Variants in CHD2 observed in about 807,000 individuals in gnomAD.
The protein encoded by CHD2 is ATP-dependent chromatin remodeler CHD2.
In CHD2, 28 loss-of-function variants were observed where a neutral mutation model predicts 243.9. That is an observed-to-expected ratio of 0.11 (90% CI 0.09 to 0.16). The LOEUF is 0.16. Ranked by LOEUF, CHD2 falls within the 10% of genes least tolerant of loss-of-function variation. The probability of loss-of-function intolerance (pLI) is 1.00; values close to 1 mark genes in which losing one functional copy is unlikely to be tolerated. For missense variants in CHD2, 1,386 were observed against 2,209.8 expected, an observed-to-expected ratio of 0.63 and a Z score of 7.47; for synonymous variants, 775 against 779.0, an observed-to-expected ratio of 0.99 and a Z score of 0.09.
intron 2 of CHD2, among the ~76,000 whole-genome samples, chr15:92,923,676 C>T (rs985127832): frequency 2.7e-5 from 4 of 149,596 alleles, no homozygotes; most frequent in Non-Finnish European, 5.9e-5. Flanking sequence ...AGCGATCCTT[C>T]TGCCTCAGTC....
At chr15:93,019,581 A>C (rs752101528) in intron 37 of CHD2, among the ~76,000 whole-genome samples, 1 of 152,230 alleles carries the variant, frequency 6.6e-6, no homozygotes, top group Non-Finnish European at 1.5e-5. Context: ...TGCTTACTTC[A>C]GCAGCATACC....
At chr15:93,006,290 C>G (rs924433103) in intron 34 of CHD2, among the ~76,000 whole-genome samples, 8 of 152,012 alleles carry the variant, frequency 5.3e-5, no homozygotes, top group African/African-American at 1.5e-4. Context: ...CCACACCCGG[C>G]TAACTTTTGT....
At chr15:92,985,810 T>C (rs1238700673) in intron 26 of CHD2, 137 bp downstream of exon 26, 2 of 761,878 alleles carry the variant, frequency 2.6e-6, no homozygotes, top group East Asian at 5.4e-5. Context: ...CTGGGTCCTG[T>C]CCCAGATCTG....
At chr15:93,011,132 C>T (rs945424272) in intron 35 of CHD2, among the ~76,000 whole-genome samples, 1 of 151,844 alleles carries the variant, frequency 6.6e-6, no homozygotes, top group Non-Finnish European at 1.5e-5. Flanking sequence ...AAAGGTCATC[C>T]CAGTGAACAG....
rs201629825 is a variant in CHD2 at position 92,937,817 on chromosome 15, A to G, written c.551+192A>G. On this transcript the variant is annotated intron_variant, in intron 6 of 38. Coordinates refer to ENST00000394196, the MANE Select transcript of CHD2 (RefSeq NM_001271.4). ...CTGCTTCTTTCTTCGCAGACTGGCTATCGTGGGGCAAACATGTCTTCCGCT... is the reference window on the plus strand; with the variant it reads ...CTGCTTCTTTCTTCGCAGACTGGCTGTCGTGGGGCAAACATGTCTTCCGCT... 8.5e-5 allele frequency among the ~76,000 whole-genome samples: 13 copies of G among 152,360 alleles called. No homozygotes were observed. In the East Asian group the frequency reaches 1.9e-3, roughly 23 times the overall value.
intron 2 of CHD2, among the ~76,000 whole-genome samples, chr15:92,912,386 T>G (rs2052753370): frequency 6.6e-6 from 1 of 152,240 alleles, no homozygotes; most frequent in African/African-American, 2.4e-5. Context: ...AGGCGGAGTC[T>G]CGCTCTGTCG....
At chr15:92,902,298 G>A (rs928165166) in intron 2 of CHD2, 3 of 396,724 alleles carry the variant, frequency 7.6e-6, no homozygotes, top group African/African-American at 6.2e-5. Flanking sequence ...AGATGTTTTT[G>A]TTGTATGACC....
At chr15:92,958,729 G>A (rs1216604169) in intron 16 of CHD2, among the ~76,000 whole-genome samples, 2 of 152,306 alleles carry the variant, frequency 1.3e-5, no homozygotes, top group African/African-American at 4.8e-5. Context: ...TCAGTAGAAA[G>A]TATACTTTGA....
chr15:92,956,668 A>G lies in CHD2; in HGVS notation c.2000+19A>G. 1 of 1,589,436 alleles carries G rather than the reference A, an allele frequency of 6.3e-7. No homozygotes were observed. The highest frequency in any genetic ancestry group is 8.5e-7 in the Non-Finnish European group (1 of 1,171,166). On this transcript the variant is annotated intron_variant, in intron 16 of 38. Coordinates refer to ENST00000394196, the MANE Select transcript of CHD2 (RefSeq NM_001271.4). ...CGGAGAAGTAAGCTCCTTCCTGTGT[A>G]TTTCAAAAGATGCTAGAATGTCTGA...
At chr15:92,958,927 A>G (rs943152734) in intron 16 of CHD2, among the ~76,000 whole-genome samples, 22 of 152,218 alleles carry the variant, frequency 1.4e-4, no homozygotes, top group African/African-American at 5.3e-4. Context: ...CATTAAATGC[A>G]TTTTTGATTT....
At chr15:92,948,281 A>G (rs1452264609) in intron 12 of CHD2, among the ~76,000 whole-genome samples, 2 of 152,180 alleles carry the variant, frequency 1.3e-5, no homozygotes, top group Admixed American at 6.5e-5. Flanking sequence ...TGTATTTAGC[A>G]TATGACAGCT....
At chr15:92,962,175 C>A (rs909760381) in intron 16 of CHD2, among the ~76,000 whole-genome samples, 1 of 151,780 alleles carries the variant, frequency 6.6e-6, no homozygotes. Context: ...CCCCCGTGCC[C>A]GGACCCTCTG....
At chr15:92,901,584 C>T (rs2052529561) in intron 2 of CHD2, 3 of 434,326 alleles carry the variant, frequency 6.9e-6, no homozygotes, top group African/African-American at 2.0e-5. Context: ...GTTTTTCTGT[C>T]AGTAAATTTC....
intron 16 of CHD2, among the ~76,000 whole-genome samples, chr15:92,961,599 A>G (rs1181175703): frequency 6.6e-6 from 1 of 151,600 alleles, no homozygotes. Context: ...ATTTGTAGAG[A>G]TGGGTTCTTG....
intron 35 of CHD2, 120 bp downstream of exon 35, chr15:93,009,443 C>T: frequency 1.0e-6 from 1 of 962,746 alleles, no homozygotes. Context: ...CACAACTCAT[C>T]TATTGGCAAT....
rs2052770906 is a variant in CHD2, at chr15:92,913,079, T to C, written c.63-11242T>C. On this transcript the variant is annotated intron_variant, in intron 2 of 38. Coordinates refer to ENST00000394196, the MANE Select transcript of CHD2 (RefSeq NM_001271.4). ...TGCTAAAAATCACCTGGGGTGCTTG[T>C]TCAACATATTCCCAGGCTTCTTGCT... Among the ~76,000 whole-genome samples, 4 of 152,370 alleles carry C rather than the reference T, an allele frequency of 2.6e-5. No individual in the cohort carries two copies. In the South Asian group the frequency reaches 8.3e-4, roughly 32 times the overall value.
intron 36 of CHD2, among the ~76,000 whole-genome samples, chr15:93,014,134 GA>G (rs1391503745): frequency 9.9e-5 from 15 of 152,002 alleles, no homozygotes; most frequent in African/African-American, 3.1e-4. Flanking sequence ...AAAAAGCTTA[GA>G]AAAATACGTG....
rs538434057 is a variant in CHD2 at position 93,019,014 on chromosome 15, T to G, written c.4907-998T>G. On this transcript the variant is annotated intron_variant, in intron 37 of 38. Transcript: ENST00000394196. Reference sequence around the variant, plus strand: ...TCTTCACTACATTTTCTGATTCAAGTGAGTATGATTCTTTTCCTTAGGAGA... The same window carrying G: ...TCTTCACTACATTTTCTGATTCAAGGGAGTATGATTCTTTTCCTTAGGAGA... Among the ~76,000 whole-genome samples the G allele has an allele frequency of 5.9e-5, 9 of 152,338 alleles. No homozygotes were observed. The East Asian group carries it at 1.7e-3, about 29-fold the overall frequency.
At chr15:92,929,714 C>T (rs1473092040) in intron 5 of CHD2, among the ~76,000 whole-genome samples, 4 of 151,836 alleles carry the variant, frequency 2.6e-5, no homozygotes, top group Non-Finnish European at 2.9e-5. Flanking sequence ...GTGTGGATCC[C>T]GTTGACAATC....
Sources: allele counts gnomAD v4.1 joint callset (sites outside exome capture counted in the v4.1 genomes callset), GRCh38; gene constraint gnomAD v4.1.1; transcripts MANE v1.5; gene names NCBI Gene and HGNC (gene_info 2026-07-23, HGNC 2026-07-21).